HEATR4: variants seen among roughly 807,000 people sequenced by gnomAD.
The protein encoded by HEATR4 is HEAT repeat containing 4.
Under a neutral mutation model 108.8 loss-of-function variants are expected in HEATR4, and 95 were observed. The ratio of observed to expected loss-of-function variants is 0.87; its 90% CI spans 0.74 to 1.04. The LOEUF is 1.04. Ranked by LOEUF, HEATR4 falls within the 50% of genes least tolerant of loss-of-function variation. HEATR4 has a pLI of 0.00. For synonymous variants in HEATR4, 443 were observed against 459.4 expected, an observed-to-expected ratio of 0.96 and a Z score of 0.46; for missense variants, 1,152 against 1,253.8, an observed-to-expected ratio of 0.92 and a Z score of 1.23.
At chr14:73,568,911 G>A in the HEATR4 span, 3 of 361,434 alleles carry the variant, frequency 8.3e-6, no homozygotes, top group Admixed American at 4.3e-5. Flanking sequence ...AGTAATGAGT[G>A]TGAATTATTC....
chr14:73,517,961 C>A (rs1017760464), intron 5 of HEATR4, among the ~76,000 whole-genome samples: 4 of 152,144 alleles, frequency 2.6e-5, no homozygotes, highest in African/African-American at 9.7e-5. Flanking sequence ...TGGCGCGCAC[C>A]TGTAGTCCCA....
intron 13 of HEATR4, 94 bp from the exon 14 acceptor site, chr14:73,498,438 C>A: frequency 1.9e-6 from 2 of 1,078,196 alleles, no homozygotes; most frequent in Non-Finnish European, 2.6e-6. Flanking sequence ...AATACCTTCC[C>A]TTTTGGATGG....
At chr14:73,503,048 TAATG>T (rs756519907) in intron 10 of HEATR4, 35 bp from the exon 11 acceptor site, 2 of 1,477,516 alleles carry the variant, frequency 1.4e-6, no homozygotes, top group African/African-American at 1.4e-5. Context: ...TATCATCACT[TAATG>T]AATGTTAATT....
chr14:73,571,977 A>G, the HEATR4 span, among the ~76,000 whole-genome samples: 9 of 151,326 alleles, frequency 5.9e-5, no homozygotes, highest in South Asian at 1.9e-3. Context: ...AACAGAGTAC[A>G]TTTCACACCC....
rs1256171844 is a variant in HEATR4 at position 73,498,255 on chromosome 14, C to G, written c.2446G>C (p.Glu816Gln). ...AGGGCTAGGATGCTACGGCAAGCTT[C>G]CAGCCGTACACCTGGTGACTCTTCA... ...HYEESPGVRL[E>Q]ACRSILALKL... Residue 816 changes from glutamate to glutamine, a missense_variant, in exon 14 of 18, where the codon GAA becomes CAA. Coordinates refer to ENST00000553558, the MANE Select transcript of HEATR4 (RefSeq NM_001220484.1). 6.2e-7 allele frequency: 1 copy of G among 1,614,018 alleles called. No homozygotes were observed. The highest frequency in any genetic ancestry group is 8.5e-7 in the Non-Finnish European group (1 of 1,180,048).
intron 11 of HEATR4, 30 bp downstream of exon 11, chr14:73,502,865 G>A (rs1886564709): frequency 6.7e-7 from 1 of 1,501,174 alleles, no homozygotes. Context: ...GAATTTAGAA[G>A]AGTGTCTCCT....
chr14:73,613,086 G>C, the HEATR4 span: 1 of 547,724 alleles, frequency 1.8e-6, no homozygotes, highest in Non-Finnish European at 3.1e-6. Flanking sequence ...CCCCTTTCCT[G>C]TCCTGGGAAT....
At chr14:73,609,152 G>A in the HEATR4 span, among the ~76,000 whole-genome samples, 1 of 152,168 alleles carries the variant, frequency 6.6e-6, no homozygotes, top group African/African-American at 2.4e-5. Flanking sequence ...TGATTGTATG[G>A]GGGAGACTGA....
At chr14:73,621,168 G>C in the HEATR4 span, among the ~76,000 whole-genome samples, 5 of 152,020 alleles carry the variant, frequency 3.3e-5, no homozygotes, top group African/African-American at 1.2e-4. Context: ...AGCCGAGATC[G>C]CGCCACTGCC....
chr14:73,502,791 C>T (rs1335770249), intron 11 of HEATR4, 104 bp downstream of exon 11: 12 of 795,472 alleles, frequency 1.5e-5, no homozygotes, highest in Middle Eastern at 5.0e-4. Flanking sequence ...TCGTGATCCG[C>T]CCACCCCGTC....
chr14:73,574,894 T>A, the HEATR4 span: 1 of 1,613,344 alleles, frequency 6.2e-7, no homozygotes, highest in Non-Finnish European at 8.5e-7. Context: ...CTTTTTCCTT[T>A]GTCCCTTTCT....
the HEATR4 span, among the ~76,000 whole-genome samples, chr14:73,599,732 G>A: frequency 1.3e-5 from 2 of 152,176 alleles, no homozygotes; most frequent in East Asian, 3.8e-4. Flanking sequence ...GGCAGTCAAA[G>A]GCTAACCAAA....
chr14:73,618,193 A>T, the HEATR4 span, among the ~76,000 whole-genome samples: 1 of 152,182 alleles, frequency 6.6e-6, no homozygotes, highest in Non-Finnish European at 1.5e-5. Flanking sequence ...TATAATTAAA[A>T]ATGGAATTAT....
the HEATR4 span, chr14:73,617,232 T>C: frequency 4.3e-6 from 7 of 1,613,844 alleles, no homozygotes; most frequent in South Asian, 1.1e-5. Context: ...AGAGAGGGGA[T>C]AGAGCTGATG....
chr14:73,505,280 A>AAT (rs1379888953), intron 10 of HEATR4, among the ~76,000 whole-genome samples: 1 of 152,210 alleles, frequency 6.6e-6, no homozygotes, highest in Non-Finnish European at 1.5e-5. Flanking sequence ...GAAAAGTTTT[A>AAT]AAAGGGTACC....
chr14:73,568,493 G>A, the HEATR4 span, among the ~76,000 whole-genome samples: 1 of 151,904 alleles, frequency 6.6e-6, no homozygotes, highest in Non-Finnish European at 1.5e-5. Context: ...CCAGGAGTTG[G>A]AGGTTTGTAA....
the HEATR4 span, chr14:73,591,831 G>A: frequency 3.3e-6 from 3 of 901,246 alleles, no homozygotes; most frequent in East Asian, 6.7e-5. Flanking sequence ...GGGCTTTCTG[G>A]GACTGCTCAG....
the HEATR4 span, chr14:73,580,603 TGACC>T: frequency 0.059 from 8,997 of 152,234 alleles, 330 homozygotes; most frequent in Middle Eastern, 0.095. Flanking sequence ...TCGGGTGGCG[TGACC>T]TGCTCCACTG....
chr14:73,559,659 T>C (rs370996476), upstream of HEATR4, among the ~76,000 whole-genome samples: 1,003 of 152,010 alleles, frequency 6.6e-3, 17 homozygotes, highest in African/African-American at 0.023. Flanking sequence ...GGAGAATCGC[T>C]TGGACCCAGG....
Sources: gnomAD v4.1 joint callset for allele counts (sites outside exome capture counted in the v4.1 genomes callset) on GRCh38, gnomAD v4.1.1 for gene constraint, MANE v1.5 for transcripts, NCBI Gene and HGNC (gene_info 2026-07-23, HGNC 2026-07-21) for gene names.